Variants in SHCBP1L observed in about 807,000 individuals in gnomAD.
SHCBP1L encodes the protein SHC binding and spindle associated 1 like, also known as testicular spindle-associated protein SHCBP1L.
In SHCBP1L, 67 loss-of-function variants were observed where a neutral mutation model predicts 62.5. The observed-to-expected ratio is 1.07, with a 90% CI of 0.88 to 1.31. SHCBP1L has a LOEUF of 1.31. Ranked by LOEUF, SHCBP1L falls within the 40% of genes most tolerant of loss-of-function variation. The pLI, the probability that SHCBP1L is intolerant of heterozygous loss-of-function variation, is 0.00. For synonymous variants in SHCBP1L, 284 were observed against 289.4 expected, an observed-to-expected ratio of 0.98 and a Z score of 0.19; for missense variants, 823 against 809.8, an observed-to-expected ratio of 1.02 and a Z score of -0.20.
intron 6 of SHCBP1L, among the ~76,000 whole-genome samples, chr1:182,906,782 A>G (rs1298460504): frequency 6.6e-6 from 1 of 152,070 alleles, no homozygotes; most frequent in Non-Finnish European, 1.5e-5. Context: ...AGAAAAGAGG[A>G]GATAAATTTG....
In SHCBP1L at chr1:182,929,718, G is replaced by T. The variant is rs775084722; in HGVS notation, c.1111C>A (p.Arg371Ser). The T allele has an allele frequency of 2.5e-6, 4 of 1,588,500 alleles. No homozygotes were observed. In the South Asian group the frequency reaches 3.5e-5, roughly 14 times the overall value. ...HGPFFPRILR[R>S]RKGKREFGKT... ...CCAAATTCTCTTTTTCCTTTCCTAC[G>T]CCTCAGAATTCTTGGAAAGAAAGGT... The change falls in exon 6 of 10, where the codon CGT becomes AGT. Residue 371 changes from arginine to serine, a missense_variant. Physicochemically the swap from Arg to Ser is moderately radical, Grantham distance 110 (BLOSUM62 -1). Coordinates refer to ENST00000367547, the MANE Select transcript of SHCBP1L (RefSeq NM_030933.4).
chr1:182,918,191 C>CAT (rs559880341), intron 6 of SHCBP1L, among the ~76,000 whole-genome samples: 3 of 146,086 alleles, frequency 2.1e-5, no homozygotes, highest in Admixed American at 1.4e-4. Context: ...TATATATACA[C>CAT]ATATATATAC....
chr1:182,910,178 T>C (rs1650134778), intron 6 of SHCBP1L, among the ~76,000 whole-genome samples: 1 of 152,160 alleles, frequency 6.6e-6, no homozygotes, highest in South Asian at 2.1e-4. Context: ...GCAAAAACTA[T>C]GGAATCAACT....
Position 182,903,160 on chromosome 1 carries a change from C to A in SHCBP1L, c.1589G>T (p.Gly530Val), listed in dbSNP as rs753928375. The A allele has an allele frequency of 6.5e-7, 1 of 1,539,238 alleles. No individual in the cohort carries two copies. The highest frequency in any genetic ancestry group is 8.7e-7 in the Non-Finnish European group (1 of 1,146,150). The change falls in exon 9 of 10, where the codon GGT (glycine) becomes GTT (valine). Residue 530 changes from glycine to valine, a missense_variant and splice_region_variant. Physicochemically the swap from Gly to Val is moderately radical, Grantham distance 109. Transcript: ENST00000367547. ...ITDSEITGAQGAGVELYPGSI... is the reference protein window; with the variant it reads ...ITDSEITGAQVAGVELYPGSI... ...TCCAGGATACAGTTCAACACCAGCACCCTGTAAATTAAAAGCAAATAAAAC... is the reference window on the plus strand; with the variant it reads ...TCCAGGATACAGTTCAACACCAGCAACCTGTAAATTAAAAGCAAATAAAAC...
intron 5 of SHCBP1L, among the ~76,000 whole-genome samples, chr1:182,934,931 C>T (rs1345113657): frequency 6.6e-6 from 1 of 152,054 alleles, no homozygotes; most frequent in Non-Finnish European, 1.5e-5. Context: ...TTTTCTATTA[C>T]ATTTCTTTTG....
intron 2 of SHCBP1L, chr1:182,942,139 A>G: frequency 1.1e-6 from 1 of 915,410 alleles, no homozygotes; most frequent in Admixed American, 1.7e-5. Flanking sequence ...CTGCTTCATC[A>G]GAGGCTGGAC....
chr1:182,949,207 A>G (rs1451135176), intron 2 of SHCBP1L, among the ~76,000 whole-genome samples: 2 of 152,098 alleles, frequency 1.3e-5, no homozygotes, highest in Non-Finnish European at 2.9e-5. Context: ...ATCCATTTCA[A>G]TCAGAAATGT....
In SHCBP1L at chr1:182,942,149, C is replaced by T. The variant is rs1651389996; in HGVS notation, c.556-1606G>A. On this transcript the variant is annotated intron_variant, in intron 2 of 9. Transcript: ENST00000367547. Reference sequence around the variant, plus strand: ...CTCTCCTGCTTCATCAGAGGCTGGACTCTCCTCAGTTTTCGTTTCCCCATT... The same window carrying T: ...CTCTCCTGCTTCATCAGAGGCTGGATTCTCCTCAGTTTTCGTTTCCCCATT... 3.2e-6 allele frequency: 3 copies of T among 944,466 alleles called. No individual in the cohort carries two copies. In the South Asian group the frequency reaches 3.9e-5, roughly 12 times the overall value. The allele number at this position is 944,466 out of a possible 1,614,324, so 58.5% of individuals were successfully genotyped here. A position where few individuals can be genotyped will look rare whatever the true frequency, so the allele number is the denominator to read the frequency against.
chr1:182,922,103 T>C (rs563481406), intron 6 of SHCBP1L, among the ~76,000 whole-genome samples: 1 of 152,294 alleles, frequency 6.6e-6, no homozygotes, highest in South Asian at 2.1e-4. Context: ...GAATTAACTA[T>C]CTTAAATATA....
chr1:182,921,733 C>G (rs915369134), intron 6 of SHCBP1L, among the ~76,000 whole-genome samples: 11 of 152,106 alleles, frequency 7.2e-5, no homozygotes, highest in Non-Finnish European at 1.0e-4. Context: ...TGGCAAAACC[C>G]CATCTCTACT....
At chr1:182,913,477 G>A (rs1650253839) in intron 6 of SHCBP1L, among the ~76,000 whole-genome samples, 1 of 152,238 alleles carries the variant, frequency 6.6e-6, no homozygotes, top group Non-Finnish European at 1.5e-5. Flanking sequence ...TTTCTGTATT[G>A]ATAATTCTTG....
intron 5 of SHCBP1L, among the ~76,000 whole-genome samples, chr1:182,933,725 G>T (rs759721578): frequency 9.2e-5 from 14 of 151,948 alleles, no homozygotes; most frequent in Non-Finnish European, 2.1e-4. Context: ...ATATGTTGCT[G>T]GACTCCATTT....
chr1:182,930,444 T>G (rs1017517607), intron 5 of SHCBP1L, among the ~76,000 whole-genome samples: 2 of 150,478 alleles, frequency 1.3e-5, no homozygotes, highest in African/African-American at 2.4e-5. Flanking sequence ...ACACTCTTTT[T>G]CCAATAGATA....
At chr1:182,923,345 C>T (rs1271322808) in intron 6 of SHCBP1L, among the ~76,000 whole-genome samples, 2 of 151,998 alleles carry the variant, frequency 1.3e-5, no homozygotes, top group African/African-American at 4.8e-5. Flanking sequence ...TATTCCAAAA[C>T]ATTCCTCCCT....
chr1:182,937,376 T>C (rs933429451), intron 5 of SHCBP1L, among the ~76,000 whole-genome samples: 1 of 152,214 alleles, frequency 6.6e-6, no homozygotes, highest in African/African-American at 2.4e-5. Context: ...TCATAGTTCC[T>C]TCTGAGAAAT....
chr1:182,901,318 G>A (rs549861030), intron 9 of SHCBP1L, among the ~76,000 whole-genome samples: 20 of 152,178 alleles, frequency 1.3e-4, no homozygotes, highest in Non-Finnish European at 2.4e-4. Context: ...TTAGCTGGGC[G>A]TGGTGGCGCA....
chr1:182,900,567 G>T (rs1231771981), intron 9 of SHCBP1L, among the ~76,000 whole-genome samples: 1 of 152,160 alleles, frequency 6.6e-6, no homozygotes, highest in Non-Finnish European at 1.5e-5. Context: ...AAGTAGCTGG[G>T]ACTACAAGGC....
intron 5 of SHCBP1L, among the ~76,000 whole-genome samples, chr1:182,935,716 A>G (rs1192981216): frequency 6.6e-6 from 1 of 152,180 alleles, no homozygotes; most frequent in Admixed American, 6.5e-5. Context: ...AGGAATTGTT[A>G]CATCTTCCTG....
chr1:182,910,954 A>G (rs573047740), intron 6 of SHCBP1L, among the ~76,000 whole-genome samples: 43 of 152,122 alleles, frequency 2.8e-4, no homozygotes, highest in African/African-American at 1.0e-3. Context: ...CAGTGGGACA[A>G]TCTTGGCTCA....
Sources: gnomAD v4.1 joint callset for allele counts (sites outside exome capture counted in the v4.1 genomes callset) on GRCh38, gnomAD v4.1.1 for gene constraint, MANE v1.5 for transcripts, NCBI Gene and HGNC (gene_info 2026-07-23, HGNC 2026-07-21) for gene names.